The following SGCD variants were observed in gnomAD, a reference collection of about 807,000 sequenced individuals.
SGCD encodes the protein sarcoglycan delta.
Under a neutral mutation model 36.6 loss-of-function variants are expected in SGCD, and 18 were observed. The ratio of observed to expected loss-of-function variants is 0.49; its 90% confidence interval spans 0.34 to 0.73. The LOEUF is 0.73. Ranked by LOEUF, SGCD falls within the 30% of genes least tolerant of loss-of-function variation. The pLI, the probability that SGCD is intolerant of heterozygous loss-of-function variation, is 0.01. For synonymous variants in SGCD, 133 were observed against 130.6 expected, an observed-to-expected ratio of 1.02 and a Z score of -0.12; for missense variants, 387 against 346.7, an observed-to-expected ratio of 1.12 and a Z score of -0.92.
chr5:156,380,565 T>C (rs531839695), intron 3 of SGCD, among the ~76,000 whole-genome samples: 2 of 152,310 alleles, frequency 1.3e-5, no homozygotes, highest in Middle Eastern at 3.4e-3. Flanking sequence ...TTCACTTGTG[T>C]TTAGAAGTAG....
intron 7 of SGCD, among the ~76,000 whole-genome samples, chr5:156,733,079 G>A (rs1756163009): frequency 6.6e-6 from 1 of 151,740 alleles, no homozygotes; most frequent in Non-Finnish European, 1.5e-5. Context: ...GTTCAGCTCT[G>A]ATCTTGCTTT....
chr5:156,699,377 C>A (rs912037991), intron 7 of SGCD, among the ~76,000 whole-genome samples: 7 of 152,162 alleles, frequency 4.6e-5, no homozygotes, highest in Admixed American at 6.5e-5. Flanking sequence ...TACTACTTAA[C>A]AACACAAAAT....
intron 3 of SGCD, among the ~76,000 whole-genome samples, chr5:156,129,435 A>G (rs1188838990): frequency 6.6e-6 from 1 of 152,196 alleles, no homozygotes; most frequent in African/African-American, 2.4e-5. Context: ...GCCTGGCTTA[A>G]TCATCATGTT....
intron 1 of SGCD, among the ~76,000 whole-genome samples, chr5:155,910,846 T>A (rs375674049): frequency 2.0e-5 from 3 of 152,264 alleles, no homozygotes; most frequent in African/African-American, 7.2e-5. Flanking sequence ...TCATTTGCAC[T>A]CTGTTTCTTT....
chr5:156,131,416 T>C (rs911334549), intron 3 of SGCD, among the ~76,000 whole-genome samples: 1 of 152,196 alleles, frequency 6.6e-6, no homozygotes, highest in African/African-American at 2.4e-5. Flanking sequence ...TAAATAAAAT[T>C]ATGCTGCTAA....
At chr5:156,352,441 G>C (rs1216508026) in intron 3 of SGCD, among the ~76,000 whole-genome samples, 3 of 152,310 alleles carry the variant, frequency 2.0e-5, no homozygotes, top group South Asian at 2.1e-4. Context: ...CTCAATGCCT[G>C]CTATTCAGTA....
the SGCD span, among the ~76,000 whole-genome samples, chr5:155,859,106 G>T: frequency 6.6e-6 from 1 of 151,924 alleles, no homozygotes; most frequent in East Asian, 1.9e-4. Flanking sequence ...TTGCTGCCCA[G>T]GCTGGAGTGC....
rs542746950 is a variant in SGCD, at chr5:156,452,992, C to T, written c.193-55609C>T. 3.9e-5 allele frequency among the ~76,000 whole-genome samples: 6 copies of T among 152,220 alleles called. No homozygotes were observed. The East Asian group carries it at 1.2e-3, about 29-fold the overall frequency. On this transcript the variant is annotated intron_variant, in intron 3 of 8. Coordinates refer to ENST00000337851, the MANE Select transcript of SGCD (RefSeq NM_000337.6). ...AGCTACATTAGGTAGAATAGTTTTA[C>T]TCAATGATTATAAACATTCATCTTT...
the SGCD span, among the ~76,000 whole-genome samples, chr5:155,769,294 G>A: frequency 7.3e-5 from 11 of 151,496 alleles, no homozygotes; most frequent in African/African-American, 2.7e-4. Context: ...TATGTGAAGT[G>A]ATTGAAAGGA....
intron 3 of SGCD, among the ~76,000 whole-genome samples, chr5:156,168,470 G>A (rs1763264145): frequency 6.6e-6 from 1 of 152,134 alleles, no homozygotes; most frequent in Non-Finnish European, 1.5e-5. Flanking sequence ...AGCTACTCAG[G>A]AGGCTGAGGC....
At chr5:156,590,797 TC>T (rs1760695809) in intron 5 of SGCD, among the ~76,000 whole-genome samples, 1 of 150,640 alleles carries the variant, frequency 6.6e-6, no homozygotes, top group Non-Finnish European at 1.5e-5. Flanking sequence ...ACACCCCTTT[TC>T]CCCTCCCCTT....
At chr5:156,139,849 T>G (rs1321586552) in intron 3 of SGCD, among the ~76,000 whole-genome samples, 2 of 152,190 alleles carry the variant, frequency 1.3e-5, no homozygotes, top group East Asian at 3.8e-4. Flanking sequence ...TGTTAAAGGG[T>G]AATGGCCTTT....
chr5:156,008,239 T>C (rs1758791610), intron 1 of SGCD, among the ~76,000 whole-genome samples: 1 of 152,188 alleles, frequency 6.6e-6, no homozygotes, highest in Non-Finnish European at 1.5e-5. Context: ...CTGAAACATG[T>C]AGGGGAGCCC....
chr5:156,243,618 C>T (rs1408695658), intron 3 of SGCD, among the ~76,000 whole-genome samples: 1 of 152,144 alleles, frequency 6.6e-6, no homozygotes, highest in Non-Finnish European at 1.5e-5. Flanking sequence ...ACAGTGACAT[C>T]CAATAGCATG....
intron 3 of SGCD, among the ~76,000 whole-genome samples, chr5:156,155,040 G>T (rs763843740): frequency 6.6e-6 from 1 of 151,642 alleles, no homozygotes; most frequent in Non-Finnish European, 1.5e-5. Context: ...GGAAAGGTTT[G>T]CAACATCATA....
chr5:156,134,135 C>T (rs1762397045), intron 3 of SGCD, among the ~76,000 whole-genome samples: 1 of 152,090 alleles, frequency 6.6e-6, no homozygotes. Flanking sequence ...TTATTCTTCC[C>T]CTTTGCTTTG....
At chr5:155,884,503 G>A (rs565861232) in intron 1 of SGCD, among the ~76,000 whole-genome samples, 39 of 152,278 alleles carry the variant, frequency 2.6e-4, no homozygotes, top group African/African-American at 9.4e-4. Flanking sequence ...AAACTACATA[G>A]AGCTGCTGTA....
intron 2 of SGCD, among the ~76,000 whole-genome samples, chr5:156,339,100 A>G (rs1297917476): frequency 6.6e-6 from 1 of 152,202 alleles, no homozygotes; most frequent in Non-Finnish European, 1.5e-5. Context: ...GAAACTCTAC[A>G]TCTAAAATAT....
the SGCD span, among the ~76,000 whole-genome samples, chr5:155,750,906 A>G: frequency 3.8e-4 from 58 of 152,288 alleles, no homozygotes; most frequent in Admixed American, 3.4e-3. Flanking sequence ...GGCCTCTGCA[A>G]GCATTTGGAT....
Sources: gnomAD v4.1 joint callset for allele counts (sites outside exome capture counted in the v4.1 genomes callset) on GRCh38, gnomAD v4.1.1 for gene constraint, MANE v1.5 for transcripts, NCBI Gene and HGNC (gene_info 2026-07-23, HGNC 2026-07-21) for gene names.